Variants in VAPB observed in about 807,000 individuals in gnomAD.
VAPB encodes vesicle-associated membrane protein-associated protein B/C.
A neutral mutation model predicts 25.6 loss-of-function variants in VAPB; 7 were observed. That is an observed-to-expected ratio of 0.27 (90% CI 0.16 to 0.51). The LOEUF (loss-of-function observed/expected upper bound fraction) is 0.51. Ranked by LOEUF, VAPB falls within the 20% of genes least tolerant of loss-of-function variation. The pLI is 0.97. For synonymous variants in VAPB, 112 were observed against 109.2 expected (o/e 1.03, Z -0.16); for missense variants, 266 against 301.3 (o/e 0.88, Z 0.87).
chr20:58,450,126 C>G lies in VAPB; in HGVS notation c.*5891C>G, dbSNP rs1227146584. The G allele has an allele frequency of 4.6e-5, 21 of 453,966 alleles. No homozygotes were observed. The highest frequency in any genetic ancestry group is 4.2e-4 in the African/African-American group (21 of 49,986). 28.1% of individuals were successfully genotyped at this position (453,966 alleles called of 1,614,324 possible). ...ATACAAAAAAGTCCTGGCTGTTTCT[C>G]CGAACTGGCTGCCTGCATTCCCGTC... On this transcript the variant is annotated 3_prime_UTR_variant, in exon 6 of 6. Transcript: ENST00000475243.
rs1157478555 is a variant in VAPB at position 58,448,302 on chromosome 20, T to C, written c.*4067T>C. On this transcript the variant is annotated 3_prime_UTR_variant, in exon 6 of 6. Coordinates refer to ENST00000475243, the MANE Select transcript of VAPB (RefSeq NM_004738.5). ...GCTGGCCCTACGCGAATTGAGTTTC[T>C]GTGGCCTAATTGGATTTGGAGAACG... 1.5e-5 allele frequency: 7 copies of C among 453,566 alleles called. No individual in the cohort carries two copies. The highest frequency in any genetic ancestry group is 3.1e-5 in the Non-Finnish European group (7 of 226,438). 28.1% of individuals were successfully genotyped at this position (453,566 alleles called of 1,614,324 possible). A position where few individuals can be genotyped will look rare whatever the true frequency, so the allele number is the denominator to read the frequency against.
chr20:58,425,896 T>C (rs899682737), intron 2 of VAPB, among the ~76,000 whole-genome samples: 20 of 152,098 alleles, frequency 1.3e-4, no homozygotes, highest in Non-Finnish European at 2.6e-4. Flanking sequence ...ATTATATTTA[T>C]ATATTTATTT....
chr20:58,405,673 A>G (rs1198625452), intron 1 of VAPB, among the ~76,000 whole-genome samples: 1 of 148,922 alleles, frequency 6.7e-6, no homozygotes, highest in Non-Finnish European at 1.5e-5. Flanking sequence ...TTGAACTCCT[A>G]AACTCCTGAG....
chr20:58,401,638 C>T (rs970393574), intron 1 of VAPB, among the ~76,000 whole-genome samples: 2 of 152,052 alleles, frequency 1.3e-5, no homozygotes, highest in African/African-American at 4.8e-5. Flanking sequence ...TACAGGTTCA[C>T]CTTCTCCCCC....
intron 2 of VAPB, among the ~76,000 whole-genome samples, chr20:58,426,988 CG>C (rs1988801767): frequency 6.6e-6 from 1 of 151,810 alleles, no homozygotes; most frequent in Non-Finnish European, 1.5e-5. Context: ...ATGATGCAGG[CG>C]AAAGTGATCT....
chr20:58,411,633 C>A (rs908275676), intron 1 of VAPB, among the ~76,000 whole-genome samples: 1 of 152,254 alleles, frequency 6.6e-6, no homozygotes, highest in South Asian at 2.1e-4. Flanking sequence ...CTGTTCAGAT[C>A]TTTTGCCCAT....
chr20:58,437,481 C>T (rs1989074239), intron 3 of VAPB, among the ~76,000 whole-genome samples: 2 of 152,174 alleles, frequency 1.3e-5, no homozygotes, highest in Admixed American at 1.3e-4. Flanking sequence ...CAGCTCTCTC[C>T]ACTGTCATAG....
chr20:58,446,512 C>T lies in VAPB; in HGVS notation c.*2277C>T, dbSNP rs2123109362. 1 of 454,006 alleles carries T rather than the reference C, an allele frequency of 2.2e-6. No individual in the cohort carries two copies. Among genetic ancestry groups the T allele is most frequent in the Middle Eastern group, 6.9e-4 (1 of 1,444 alleles). 28.1% of individuals were successfully genotyped at this position (454,006 alleles called of 1,614,324 possible). ...AAAACAGCCGGGTCATGGGATTTGG[C>T]TTGTGAGTCTGTAACAGTTCTTAAA... On this transcript the variant is annotated 3_prime_UTR_variant, in exon 6 of 6. Transcript: ENST00000475243.
rs1286965024 is a variant in VAPB at position 58,444,852 on chromosome 20, G to C, written c.*617G>C. On this transcript the variant is annotated 3_prime_UTR_variant, in exon 6 of 6. Transcript: ENST00000475243. ...TTGACCCAGCGCTTTGGAAATAAAT[G>C]GCAGTGCTTTGTTCACTTAAAGGGA... The C allele has an allele frequency of 6.6e-6, 3 of 454,540 alleles. No homozygotes were observed. The highest frequency in any genetic ancestry group is 4.7e-5 in the South Asian group (3 of 64,474). The allele number at this position is 454,540 out of a possible 1,614,324, so 28.2% of individuals were successfully genotyped here.
chr20:58,431,806 G>A (rs528122680), intron 2 of VAPB, among the ~76,000 whole-genome samples: 10 of 152,120 alleles, frequency 6.6e-5, no homozygotes, highest in African/African-American at 1.9e-4. Flanking sequence ...TGATCCTCCC[G>A]CCTTGGCCTC....
chr20:58,418,063 C>T (rs1474004165), intron 1 of VAPB, 148 bp from the exon 2 acceptor site: 7 of 1,085,840 alleles, frequency 6.4e-6, no homozygotes, highest in African/African-American at 1.5e-5. Context: ...GTGCATTAAC[C>T]TCAGCTCATC....
At chr20:58,409,900 C>CATAT (rs10567777) in intron 1 of VAPB, among the ~76,000 whole-genome samples, 1 of 135,446 alleles carries the variant, frequency 7.4e-6, no homozygotes. Context: ...AATCTTTATT[C>CATAT]ATATACACAC....
intron 2 of VAPB, among the ~76,000 whole-genome samples, chr20:58,425,478 G>A (rs1988764930): frequency 6.6e-6 from 1 of 152,238 alleles, no homozygotes; most frequent in Admixed American, 6.5e-5. Flanking sequence ...ATGCAAATTA[G>A]CACCCAGAAT....
At chr20:58,440,068 GTTTC>G (rs1989128362) in intron 4 of VAPB, 1 of 152,148 alleles carries the variant, frequency 6.6e-6, no homozygotes. Flanking sequence ...TCATTACCCT[GTTTC>G]TTTAAGTGGA....
intron 2 of VAPB, among the ~76,000 whole-genome samples, chr20:58,423,702 T>C (rs1431949816): frequency 6.6e-6 from 1 of 152,154 alleles, no homozygotes; most frequent in African/African-American, 2.4e-5. Context: ...TAGTGGGAGC[T>C]GCATTTGGGG....
chr20:58,444,026 C>T (rs368285773), intron 5 of VAPB, 51 bp from the exon 6 acceptor site: 1 of 1,613,830 alleles, frequency 6.2e-7, no homozygotes, highest in Admixed American at 1.7e-5. Context: ...ACAGTTGACT[C>T]CCCTTTCTGG....
chr20:58,447,992 G>T lies in VAPB; in HGVS notation c.*3757G>T, dbSNP rs1989337582. Reference sequence around the variant, plus strand: ...TGCTGGAGATGGCATTTCATTGAAGGGCCTCTCGTGGCTTTCCCTGCCCCC... The same window carrying T: ...TGCTGGAGATGGCATTTCATTGAAGTGCCTCTCGTGGCTTTCCCTGCCCCC... On this transcript the variant is annotated 3_prime_UTR_variant, in exon 6 of 6. Transcript: ENST00000475243. 1 of 453,820 alleles carries T rather than the reference G, an allele frequency of 2.2e-6. No homozygotes were observed. Among genetic ancestry groups the T allele is most frequent in the Non-Finnish European group, 4.4e-6 (1 of 226,760 alleles). The allele number at this position is 453,820 out of a possible 1,614,324, so 28.1% of individuals were successfully genotyped here. A position where few individuals can be genotyped will look rare whatever the true frequency, so the allele number is the denominator to read the frequency against.
chr20:58,415,397 CATT>C (rs1316837098), intron 1 of VAPB, among the ~76,000 whole-genome samples: 1 of 152,166 alleles, frequency 6.6e-6, no homozygotes, highest in African/African-American at 2.4e-5. Flanking sequence ...GCATTGTTTA[CATT>C]ATTAAAAAGA....
chr20:58,433,153 G>A (rs1332798381), intron 2 of VAPB, among the ~76,000 whole-genome samples: 1 of 152,204 alleles, frequency 6.6e-6, no homozygotes, highest in Non-Finnish European at 1.5e-5. Context: ...CATTAGCTTT[G>A]TCGTGGGGCC....
Sources: gnomAD v4.1 joint callset for allele counts (sites outside exome capture counted in the v4.1 genomes callset) on GRCh38, gnomAD v4.1.1 for gene constraint, MANE v1.5 for transcripts, NCBI Gene and HGNC (gene_info 2026-07-23, HGNC 2026-07-21) for gene names.